The following ZFHX3 variants were observed in gnomAD, a reference collection of about 807,000 sequenced individuals.
The protein encoded by ZFHX3 is zinc finger homeobox 3.
ZFHX3 carries 42 observed loss-of-function variants against 279.1 expected under a neutral mutation model. The ratio of observed to expected loss-of-function variants is 0.15; its 90% CI spans 0.12 to 0.19. The LOEUF (loss-of-function observed/expected upper bound fraction) is 0.19, where lower values mean the gene tolerates loss of function less well. Ranked by LOEUF, ZFHX3 falls within the 10% of genes least tolerant of loss-of-function variation. ZFHX3 has a pLI of 1.00. For missense variants in ZFHX3, 4,981 were observed against 4,754.0 expected (o/e 1.05, Z -1.40); for synonymous variants, 2,293 against 1,957.8 (o/e 1.17, Z -4.52).
At chr16:72,816,968 TGTTA>T (rs571364195) in intron 5 of ZFHX3, among the ~76,000 whole-genome samples, 188 of 152,318 alleles carry the variant, frequency 1.2e-3, no homozygotes, top group Non-Finnish European at 1.9e-3. Flanking sequence ...CCTCTACTCA[TGTTA>T]GTTAGAGGGA....
chr16:73,192,717 C>T (rs554258706), intron 5 of ZFHX3, among the ~76,000 whole-genome samples: 1 of 152,210 alleles, frequency 6.6e-6, no homozygotes. Flanking sequence ...TAATTGTCCT[C>T]GTTAATTTTA....
chr16:73,327,303 G>A (rs2015710551), intron 3 of ZFHX3, among the ~76,000 whole-genome samples: 1 of 152,166 alleles, frequency 6.6e-6, no homozygotes, highest in Non-Finnish European at 1.5e-5. Flanking sequence ...TACCACAACT[G>A]CAGTAACTGC....
chr16:73,543,715 G>A (rs1438209163), intron 2 of ZFHX3, among the ~76,000 whole-genome samples: 3 of 142,734 alleles, frequency 2.1e-5, no homozygotes, highest in Admixed American at 7.3e-5. Context: ...CAAGTCCCCC[G>A]CCCCCACCTT....
chr16:73,416,667 A>T (rs76859535), intron 3 of ZFHX3, among the ~76,000 whole-genome samples: 1 of 152,064 alleles, frequency 6.6e-6, no homozygotes, highest in Non-Finnish European at 1.5e-5. Flanking sequence ...AGGTCAGGAG[A>T]TCGAGACCAT....
At chr16:73,219,002 G>A (rs1436653126) in intron 5 of ZFHX3, among the ~76,000 whole-genome samples, 2 of 151,956 alleles carry the variant, frequency 1.3e-5, no homozygotes, top group Non-Finnish European at 2.9e-5. Flanking sequence ...CTGAATCTAT[G>A]GATTTGTCCA....
intron 3 of ZFHX3, among the ~76,000 whole-genome samples, chr16:72,932,648 C>T (rs1273019944): frequency 7.8e-5 from 10 of 127,988 alleles, no homozygotes; most frequent in South Asian, 3.0e-4. Context: ...CTCCCTGCTC[C>T]GCACCAAAAA....
chr16:73,403,159 G>A (rs2017291716), intron 3 of ZFHX3, among the ~76,000 whole-genome samples: 1 of 152,202 alleles, frequency 6.6e-6, no homozygotes, highest in African/African-American at 2.4e-5. Flanking sequence ...AAAAAAGGTT[G>A]AGGGAGCATT....
At chr16:73,389,420 T>C (rs758897432) in intron 3 of ZFHX3, among the ~76,000 whole-genome samples, 5 of 152,236 alleles carry the variant, frequency 3.3e-5, no homozygotes, top group Non-Finnish European at 7.3e-5. Context: ...GAAAATCTAT[T>C]CCTTAAAAAT....
chr16:72,928,764 C>T (rs942678813), intron 3 of ZFHX3, among the ~76,000 whole-genome samples: 3 of 152,162 alleles, frequency 2.0e-5, no homozygotes, highest in Admixed American at 2.0e-4. Context: ...AGTTCAAGAC[C>T]AACCTGGGCA....
intron 3 of ZFHX3, among the ~76,000 whole-genome samples, chr16:73,333,810 A>G (rs2015854133): frequency 2.0e-5 from 3 of 149,728 alleles, no homozygotes; most frequent in Non-Finnish European, 4.5e-5. Flanking sequence ...GAGACCAAAA[A>G]AAAAAAAAAA....
chr16:72,990,799 G>A (rs1041146252), intron 1 of ZFHX3, among the ~76,000 whole-genome samples: 6 of 152,080 alleles, frequency 3.9e-5, no homozygotes, highest in Admixed American at 3.3e-4. Context: ...TGAGCAACAT[G>A]GCGAAACCCT....
At chr16:73,308,476 A>T (rs2015245908) in intron 4 of ZFHX3, among the ~76,000 whole-genome samples, 1 of 151,696 alleles carries the variant, frequency 6.6e-6, no homozygotes, top group African/African-American at 2.4e-5. Flanking sequence ...ATTTTAGTAG[A>T]GAAGGGGTTT....
chr16:73,563,244 GT>G (rs111697941), intron 2 of ZFHX3, among the ~76,000 whole-genome samples: 9,772 of 129,512 alleles, frequency 0.075, 441 homozygotes, highest in South Asian at 0.11. Context: ...TTTTGTTTTT[GT>G]TTTTTTTTTT....
At chr16:72,934,358 G>A (rs1279672022) in intron 3 of ZFHX3, among the ~76,000 whole-genome samples, 1 of 152,130 alleles carries the variant, frequency 6.6e-6, no homozygotes, top group Non-Finnish European at 1.5e-5. Context: ...AACCCGGGAG[G>A]CGAAGCTTGC....
chr16:73,751,268 C>T lies in ZFHX3; in HGVS notation c.-1607-71028G>A, dbSNP rs546519090. 2.6e-5 allele frequency among the ~76,000 whole-genome samples: 4 copies of T among 152,258 alleles called. No individual in the cohort carries two copies. In the South Asian group the frequency reaches 8.3e-4, roughly 32 times the overall value. ...GTTTATTCAACAAGTACTCAGTGCC[C>T]ATACTCTATTTGGCACTGAGTACAA... is the stretch of plus-strand genomic sequence containing the variant. On this transcript the variant is annotated intron_variant, in intron 1 of 17. Coordinates refer to the ZFHX3 transcript ENST00000641206.
chr16:73,607,518 C>G (rs1403368081), intron 2 of ZFHX3, among the ~76,000 whole-genome samples: 2 of 152,134 alleles, frequency 1.3e-5, no homozygotes, highest in Non-Finnish European at 2.9e-5. Flanking sequence ...CCCAAATGCC[C>G]ATTTTTCTTC....
intron 1 of ZFHX3, among the ~76,000 whole-genome samples, chr16:73,853,587 C>A (rs1220013424): frequency 6.6e-6 from 1 of 152,022 alleles, no homozygotes; most frequent in African/African-American, 2.4e-5. Context: ...AACAGAAAAC[C>A]AAATACTGCA....
intron 3 of ZFHX3, among the ~76,000 whole-genome samples, chr16:73,323,607 G>C (rs1250338594): frequency 6.6e-6 from 1 of 152,216 alleles, no homozygotes; most frequent in Non-Finnish European, 1.5e-5. Flanking sequence ...TGAGTAAATG[G>C]CAAAGTCGAC....
chr16:73,502,098 C>T (rs2019249079), intron 2 of ZFHX3, among the ~76,000 whole-genome samples: 1 of 151,492 alleles, frequency 6.6e-6, no homozygotes, highest in African/African-American at 2.4e-5. Flanking sequence ...TTAAAAGTTA[C>T]TAATCGGGGG....
Sources: gnomAD v4.1 joint callset for allele counts (sites outside exome capture counted in the v4.1 genomes callset) on GRCh38, gnomAD v4.1.1 for gene constraint, MANE v1.5 for transcripts, NCBI Gene and HGNC (gene_info 2026-07-23, HGNC 2026-07-21) for gene names.